ATP10D: variants seen among roughly 807,000 people sequenced by gnomAD.
ATP10D encodes phospholipid-transporting ATPase VD.
Under a neutral mutation model 144.8 loss-of-function variants are expected in ATP10D, and 89 were observed. The ratio of observed to expected loss-of-function variants is 0.61; its 90% CI spans 0.52 to 0.73. ATP10D has a LOEUF of 0.73. ATP10D is among the 30% of genes least tolerant of loss of function. The pLI, the probability that ATP10D is intolerant of heterozygous loss-of-function variation, is 0.00. For synonymous variants in ATP10D, 571 were observed against 615.1 expected, an observed-to-expected ratio of 0.93 and a Z score of 1.06; for missense variants, 1,603 against 1,714.8, an observed-to-expected ratio of 0.93 and a Z score of 1.15.
At chr4:47,559,105 A>G in intron 13 of ATP10D, 76 bp downstream of exon 13, 1 of 1,127,870 alleles carries the variant, frequency 8.9e-7, no homozygotes, top group South Asian at 1.3e-5. Context: ...ACCAGCGTGT[A>G]GCAAACCCTA....
intron 1 of ATP10D, among the ~76,000 whole-genome samples, chr4:47,497,390 T>C (rs2109386503): frequency 6.6e-6 from 1 of 152,070 alleles, no homozygotes; most frequent in African/African-American, 2.4e-5. Context: ...GGGAGACCGA[T>C]GTTGCAGTGA....
At chr4:47,557,544 C>A in intron 11 of ATP10D, 120 bp from the exon 12 acceptor site, 1 of 1,011,206 alleles carries the variant, frequency 9.9e-7, no homozygotes, top group Non-Finnish European at 1.4e-6. Context: ...AGAGAATGGG[C>A]TGCTAGCCAT....
chr4:47,577,082 C>A, intron 19 of ATP10D, 109 bp downstream of exon 19: 1 of 951,278 alleles, frequency 1.1e-6, no homozygotes, highest in Non-Finnish European at 1.6e-6. Context: ...TTTGAAATAT[C>A]TGATTGTTTT....
chr4:47,578,194 T>G (rs987867931), intron 19 of ATP10D: 1 of 152,222 alleles, frequency 6.6e-6, no homozygotes, highest in Non-Finnish European at 1.5e-5. Context: ...TTCATTGACT[T>G]TACCTTCTAA....
intron 13 of ATP10D, chr4:47,560,396 A>G (rs538572045): frequency 6.6e-6 from 1 of 152,550 alleles, no homozygotes; most frequent in Admixed American, 6.5e-5. Flanking sequence ...TAACCATCAA[A>G]GGAGAATGGC....
rs752188849 is a variant in ATP10D, at chr4:47,568,959, G to T, written c.2976G>T (p.Gly992=). 9 of 1,614,172 alleles carry T rather than the reference G, an allele frequency of 5.6e-6. No homozygotes were observed. The highest frequency in any genetic ancestry group is 7.6e-6 in the Non-Finnish European group (9 of 1,180,026). The change falls in exon 16 of 23, where the codon GGG becomes GGT. Residue 992 remains glycine (G), a synonymous_variant. Coordinates refer to ENST00000273859, the MANE Select transcript of ATP10D (RefSeq NM_020453.4). The part of the protein sequence containing the change: ...LLQPPVPRDS[G]LRAGLIITGK... ...AGCCTCCTGTCCCCCGGGACTCAGG[G>T]TTACGAGCTGGACTCATTATCACTG... is the stretch of plus-strand genomic sequence containing the variant.
intron 15 of ATP10D, among the ~76,000 whole-genome samples, chr4:47,566,478 G>A (rs892643044): frequency 1.3e-5 from 2 of 151,954 alleles, no homozygotes; most frequent in African/African-American, 2.4e-5. Context: ...TTCCATACCT[G>A]ATCTCATTTG....
At position 47,536,438 on chromosome 4, in the gene ATP10D, T is replaced by G; in HGVS notation, c.1017T>G (p.Gly339=). 6.2e-7 allele frequency: 1 copy of G among 1,612,836 alleles called. No homozygotes were observed. The highest frequency in any genetic ancestry group is 8.5e-7 in the Non-Finnish European group (1 of 1,179,470). ...LVIMCLTGAV[G]HGIWLSRYEK... ...TGATGTCTGTGTATTTTTTGAAAGG[T>G]CATGGAATCTGGCTGAGCAGGTATG... Residue 339 remains glycine, a splice_region_variant and synonymous_variant, in exon 8 of 23, where the codon GGT becomes GGG. Coordinates refer to ENST00000273859, the MANE Select transcript of ATP10D (RefSeq NM_020453.4).
chr4:47,534,856 C>T (rs763840942), intron 5 of ATP10D, among the ~76,000 whole-genome samples: 6 of 152,054 alleles, frequency 3.9e-5, no homozygotes, highest in Non-Finnish European at 7.4e-5. Context: ...CTTGTTGCAT[C>T]TTTTCCTAGA....
intron 3 of ATP10D, 36 bp downstream of exon 3, chr4:47,515,706 T>C: frequency 6.8e-7 from 1 of 1,472,360 alleles, no homozygotes; most frequent in Non-Finnish European, 9.4e-7. Flanking sequence ...GGACTATGTA[T>C]GTATCATTGA....
intron 10 of ATP10D, among the ~76,000 whole-genome samples, chr4:47,551,292 A>G (rs566332479): frequency 6.6e-6 from 1 of 152,206 alleles, no homozygotes; most frequent in Non-Finnish European, 1.5e-5. Context: ...AAAATTTGAG[A>G]TAGGCAGATA....
intron 18 of ATP10D, among the ~76,000 whole-genome samples, chr4:47,573,801 TA>T (rs1720089932): frequency 6.6e-6 from 1 of 152,172 alleles, no homozygotes; most frequent in Admixed American, 6.5e-5. Flanking sequence ...ATACCATTTT[TA>T]GGGGAAAAAA....
In ATP10D at chr4:47,586,958, C is replaced by T. The variant is rs528929299; in HGVS notation, c.3754-61C>T. 6.5e-4 allele frequency: 970 copies of T among 1,483,726 alleles called. 1 individual carries two copies. The highest frequency in any genetic ancestry group is 7.6e-4 in the Non-Finnish European group (814 of 1,072,854). 91.9% of individuals were successfully genotyped at this position (1,483,726 alleles called of 1,614,324 possible). On this transcript the variant is annotated intron_variant, in intron 21 of 22. Coordinates refer to ENST00000273859, the MANE Select transcript of ATP10D (RefSeq NM_020453.4). ...GTCTCTTTAATGGAGCAGATTTGTC[C>T]GGGTGGCAATACTGTATCAGTGACA... is the stretch of plus-strand genomic sequence containing the variant.
chr4:47,526,260 A>C lies in ATP10D; in HGVS notation c.776+618A>C, dbSNP rs116257371. Among the ~76,000 whole-genome samples the C allele has an allele frequency of 4.0e-3, 611 of 152,350 alleles. 4 individuals are homozygous for C. The highest frequency in any genetic ancestry group is 0.013 in the African/African-American group (557 of 41,580). On this transcript the variant is annotated intron_variant, in intron 5 of 22. Coordinates refer to ENST00000273859, the MANE Select transcript of ATP10D (RefSeq NM_020453.4). ...AATCAGGTTTGGTTTAACATTAGAAAATAATACAATGTAATTCACCATTCT... is the reference window on the plus strand; with the variant it reads ...AATCAGGTTTGGTTTAACATTAGAACATAATACAATGTAATTCACCATTCT...
At chr4:47,511,398 A>G (rs886706554) in intron 1 of ATP10D, among the ~76,000 whole-genome samples, 1 of 152,152 alleles carries the variant, frequency 6.6e-6, no homozygotes, top group South Asian at 2.1e-4. Context: ...GCACAACTAC[A>G]TATACTCAGA....
rs1435308458 is a variant in ATP10D, at chr4:47,572,881, G to T, written c.3250G>T (p.Ala1084Ser). 5.0e-6 allele frequency: 8 copies of T among 1,613,958 alleles called. No individual in the cohort carries two copies. The Admixed American group carries it at 1.2e-4, about 24-fold the overall frequency. Residue 1084 changes from alanine to serine, a missense_variant, in exon 18 of 23, where the codon GCC (alanine) becomes TCC (serine). Coordinates refer to ENST00000273859, the MANE Select transcript of ATP10D (RefSeq NM_020453.4). The part of the protein sequence containing the change: ...SGQEGMQAVM[A>S]SDFAVSQFKH... ...CCCATTGCATCTGCAGGCTGTGATGGCCAGTGACTTTGCCGTTTCTCAGTT... is the reference window on the plus strand; with the variant it reads ...CCCATTGCATCTGCAGGCTGTGATGTCCAGTGACTTTGCCGTTTCTCAGTT...
intron 17 of ATP10D, 107 bp downstream of exon 17, chr4:47,572,337 GC>G (rs1719995222): frequency 1.1e-5 from 11 of 982,066 alleles, no homozygotes; most frequent in Non-Finnish European, 1.6e-5. Context: ...TGTGTGGCTA[GC>G]TGAGGAGTGG....
chr4:47,510,082 A>G (rs1455799064), intron 1 of ATP10D, among the ~76,000 whole-genome samples: 1 of 151,830 alleles, frequency 6.6e-6, no homozygotes, highest in Non-Finnish European at 1.5e-5. Flanking sequence ...ATCCTTGGTC[A>G]TTCCTGCCTA....
rs371624169 is a variant in ATP10D at position 47,523,085 on chromosome 4, G to A, written c.559G>A (p.Glu187Lys). 26 of 1,613,632 alleles carry A rather than the reference G, an allele frequency of 1.6e-5. No homozygotes were observed. Among genetic ancestry groups the A allele is most frequent in the African/African-American group, 4.0e-5 (3 of 74,776 alleles). ...GGACTTTATTCGCCTCTCCTGCAAC[G>A]AGGTCATCCCTGCAGACATGGTACT... ...VGDFIRLSCN[E>K]VIPADMVLLF... Residue 187 changes from glutamate to lysine, a missense_variant, in exon 4 of 23, where the codon GAG (glutamate) becomes AAG (lysine). Coordinates refer to ENST00000273859, the MANE Select transcript of ATP10D (RefSeq NM_020453.4).
Sources: allele counts gnomAD v4.1 joint callset (sites outside exome capture counted in the v4.1 genomes callset), GRCh38; gene constraint gnomAD v4.1.1; transcripts MANE v1.5; gene names NCBI Gene and HGNC (gene_info 2026-07-23, HGNC 2026-07-21).